Variants in CCR5AS observed in about 807,000 individuals in gnomAD.
CCR5AS encodes CCR5 antisense RNA.
chr3:46,373,662 G>A (rs759344760), intron 2 of CCR5AS: 1 of 1,614,082 alleles, frequency 6.2e-7, no homozygotes, highest in South Asian at 1.1e-5. Flanking sequence ...CTACAACATT[G>A]TCCTTCTCCT....
At chr3:46,384,699 GATTA>G (rs1701843325) in intron 2 of CCR5AS, among the ~76,000 whole-genome samples, 1 of 152,198 alleles carries the variant, frequency 6.6e-6, no homozygotes, top group Admixed American at 6.5e-5. Flanking sequence ...GTTGAATAAG[GATTA>G]GTTAGAAGCT....
At chr3:46,388,182 G>A (rs1701879167) in intron 2 of CCR5AS, among the ~76,000 whole-genome samples, 1 of 152,200 alleles carries the variant, frequency 6.6e-6, no homozygotes, top group Non-Finnish European at 1.5e-5. Context: ...GAAATGTTGG[G>A]GCAGCGAAAA....
intron 1 of CCR5AS, among the ~76,000 whole-genome samples, chr3:46,403,613 G>A (rs939131532): frequency 6.6e-6 from 1 of 152,236 alleles, no homozygotes; most frequent in African/African-American, 2.4e-5. Flanking sequence ...CCTTGTTGGA[G>A]GGGGTGTGGC....
At chr3:46,395,512 A>T (rs1701952198) in intron 1 of CCR5AS, among the ~76,000 whole-genome samples, 1 of 152,180 alleles carries the variant, frequency 6.6e-6, no homozygotes, top group Admixed American at 6.5e-5. Context: ...AGTAAGAGGA[A>T]GTGTCAGCAA....
At chr3:46,390,380 T>TAA (rs1701900414) in intron 2 of CCR5AS, among the ~76,000 whole-genome samples, 2 of 152,160 alleles carry the variant, frequency 1.3e-5, no homozygotes, top group East Asian at 3.8e-4. Flanking sequence ...AACAAACCTG[T>TAA]AAGACTTGTC....
At chr3:46,403,740 C>A (rs778738181) in intron 1 of CCR5AS, among the ~76,000 whole-genome samples, 1 of 152,112 alleles carries the variant, frequency 6.6e-6, no homozygotes, top group Non-Finnish European at 1.5e-5. Flanking sequence ...ATGCCTCTGG[C>A]GAGGAAGACG....
chr3:46,384,929 T>G (rs1343512084), intron 2 of CCR5AS, among the ~76,000 whole-genome samples: 5 of 151,834 alleles, frequency 3.3e-5, no homozygotes, highest in African/African-American at 1.2e-4. Flanking sequence ...AGACAGACAC[T>G]GGTGTGAGTG....
At chr3:46,394,962 G>A (rs577659411) in intron 1 of CCR5AS, among the ~76,000 whole-genome samples, 5 of 152,170 alleles carry the variant, frequency 3.3e-5, no homozygotes, top group African/African-American at 9.6e-5. Flanking sequence ...TTTGAACTTC[G>A]GATTGCCCCT....
At chr3:46,384,312 A>T (rs928985656) in intron 2 of CCR5AS, among the ~76,000 whole-genome samples, 1 of 152,226 alleles carries the variant, frequency 6.6e-6, no homozygotes, top group African/African-American at 2.4e-5. Flanking sequence ...GGCTGGTGCC[A>T]TGTTGTCTGT....
intron 2 of CCR5AS, among the ~76,000 whole-genome samples, chr3:46,378,417 G>T (rs1260737937): frequency 6.6e-6 from 1 of 151,870 alleles, no homozygotes; most frequent in Non-Finnish European, 1.5e-5. Flanking sequence ...TTGTGTCATT[G>T]TGATTCTGTC....
chr3:46,374,323 A>G (rs1701722662), intron 2 of CCR5AS: 1 of 194,964 alleles, frequency 5.1e-6, no homozygotes, highest in Non-Finnish European at 1.1e-5. Context: ...GAACAGAAAT[A>G]CCAAAATTAT....
chr3:46,377,492 T>A (rs1426445256), intron 2 of CCR5AS, among the ~76,000 whole-genome samples: 1 of 152,232 alleles, frequency 6.6e-6, no homozygotes, highest in Non-Finnish European at 1.5e-5. Flanking sequence ...CAGGGGTTCT[T>A]AGTTTAAATC....
chr3:46,394,760 G>A (rs756757068), intron 1 of CCR5AS, among the ~76,000 whole-genome samples: 1 of 152,166 alleles, frequency 6.6e-6, no homozygotes, highest in Non-Finnish European at 1.5e-5. Context: ...AGAAAATGTA[G>A]GAAGAAAGAA....
chr3:46,406,459 G>T (rs1459323813), intron 1 of CCR5AS, among the ~76,000 whole-genome samples: 2 of 151,114 alleles, frequency 1.3e-5, no homozygotes, highest in African/African-American at 4.9e-5. Context: ...CCTCCCCACA[G>T]CCTCCTCCCA....
chr3:46,374,083 G>T, intron 2 of CCR5AS: 1 of 628,652 alleles, frequency 1.6e-6, no homozygotes, highest in East Asian at 2.7e-5. Flanking sequence ...CTGTTATAGA[G>T]GGTCTAAGAT....
At position 46,394,298 on chromosome 3, in the gene CCR5AS, C is replaced by T. The variant is rs544623819; in HGVS notation, n.164-1246G>A. Among the ~76,000 whole-genome samples the T allele has an allele frequency of 7.2e-5, 11 of 152,296 alleles. No individual in the cohort carries two copies. In the East Asian group the frequency reaches 1.3e-3, roughly 19 times the overall value. Reference sequence around the variant, plus strand: ...GCTGAGGAGCCCTGCTCTAGTGCTTCCTCCTTACTGTATCCTCATCAAGGA... The same window carrying T: ...GCTGAGGAGCCCTGCTCTAGTGCTTTCTCCTTACTGTATCCTCATCAAGGA... On this transcript the variant is annotated intron_variant and non_coding_transcript_variant, in intron 1 of 3. Coordinates refer to ENST00000451485, the Ensembl canonical transcript of CCR5AS.
intron 1 of CCR5AS, among the ~76,000 whole-genome samples, chr3:46,394,580 A>G (rs1485440157): frequency 6.6e-6 from 1 of 152,068 alleles, no homozygotes; most frequent in Non-Finnish European, 1.5e-5. Context: ...ACACCTGGAG[A>G]ACATGTCTCA....
chr3:46,400,055 A>G (rs1169443690), intron 1 of CCR5AS, among the ~76,000 whole-genome samples: 1 of 152,138 alleles, frequency 6.6e-6, no homozygotes, highest in Non-Finnish European at 1.5e-5. Context: ...TAGTAGTAGC[A>G]CAATCACAGC....
intron 2 of CCR5AS, among the ~76,000 whole-genome samples, chr3:46,390,529 G>A (rs542707245): frequency 1.6e-4 from 25 of 152,240 alleles, no homozygotes; most frequent in African/African-American, 5.3e-4. Flanking sequence ...ATTGAGCGGG[G>A]TAAGGGTGAT....
Sources: gnomAD v4.1 joint callset for allele counts (sites outside exome capture counted in the v4.1 genomes callset) on GRCh38, gnomAD v4.1.1 for gene constraint, MANE v1.5 for transcripts, NCBI Gene and HGNC (gene_info 2026-07-23, HGNC 2026-07-21) for gene names.